The following ELMO1 variants were observed in gnomAD, a reference collection of about 807,000 sequenced individuals.
ELMO1 encodes engulfment and cell motility 1.
A neutral mutation model predicts 98.9 loss-of-function variants in ELMO1; 26 were observed. The observed-to-expected ratio is 0.26, with a 90% CI of 0.19 to 0.36. ELMO1 has a LOEUF of 0.36. ELMO1 is among the 10% of genes least tolerant of loss of function. The pLI is 1.00. For synonymous variants in ELMO1, 346 were observed against 346.0 expected, an observed-to-expected ratio of 1.00 and a Z score of 0.00; for missense variants, 627 against 935.2, an observed-to-expected ratio of 0.67 and a Z score of 4.30.
intron 13 of ELMO1, among the ~76,000 whole-genome samples, chr7:37,186,780 C>T (rs963865585): frequency 6.6e-6 from 1 of 152,172 alleles, no homozygotes. Flanking sequence ...CTCCCATTCC[C>T]TCCCATCAGC....
chr7:37,447,784 T>C (rs1805700498), intron 1 of ELMO1, among the ~76,000 whole-genome samples: 1 of 130,208 alleles, frequency 7.7e-6, no homozygotes, highest in Admixed American at 7.6e-5. Context: ...CAGCACCGAC[T>C]TCCCAACCCC....
At chr7:36,913,284 C>T (rs921614832) in intron 16 of ELMO1, among the ~76,000 whole-genome samples, 3 of 152,074 alleles carry the variant, frequency 2.0e-5, no homozygotes, top group African/African-American at 7.3e-5. Flanking sequence ...TGTTTGGGGA[C>T]CCTGTTGATC....
chr7:36,988,602 A>G (rs940174424), intron 16 of ELMO1, among the ~76,000 whole-genome samples: 1 of 152,248 alleles, frequency 6.6e-6, no homozygotes, highest in African/African-American at 2.4e-5. Context: ...ATAATCACTT[A>G]GTGAGATCAG....
intron 16 of ELMO1, among the ~76,000 whole-genome samples, chr7:36,987,718 T>C (rs550275352): frequency 5.3e-5 from 8 of 152,284 alleles, no homozygotes; most frequent in African/African-American, 1.9e-4. Context: ...TCTTCCTAAA[T>C]GAAGCTCAGT....
At chr7:37,034,909 G>C (rs1795093899) in intron 15 of ELMO1, among the ~76,000 whole-genome samples, 1 of 152,194 alleles carries the variant, frequency 6.6e-6, no homozygotes, top group South Asian at 2.1e-4. Flanking sequence ...ACAACAAGAA[G>C]ACTGGAAGCT....
chr7:37,194,216 G>A (rs1316141022), intron 13 of ELMO1, among the ~76,000 whole-genome samples: 1 of 152,186 alleles, frequency 6.6e-6, no homozygotes, highest in Non-Finnish European at 1.5e-5. Context: ...CTAGGTATTT[G>A]TATTTCCATT....
intron 1 of ELMO1, among the ~76,000 whole-genome samples, chr7:37,422,570 A>G (rs1804517498): frequency 6.6e-6 from 1 of 152,238 alleles, no homozygotes; most frequent in African/African-American, 2.4e-5. Context: ...CATGAAGCAA[A>G]TGGCTTTCAT....
At chr7:37,344,361 GTA>G (rs1800886084) in intron 1 of ELMO1, among the ~76,000 whole-genome samples, 1 of 152,012 alleles carries the variant, frequency 6.6e-6, no homozygotes, top group Non-Finnish European at 1.5e-5. Flanking sequence ...GTTTCTTTTA[GTA>G]TATTTTCTAA....
At chr7:37,210,705 G>T (rs1241766000) in intron 13 of ELMO1, among the ~76,000 whole-genome samples, 1 of 151,948 alleles carries the variant, frequency 6.6e-6, no homozygotes, top group Non-Finnish European at 1.5e-5. Context: ...CAAAATCTCA[G>T]TAATGCCATT....
intron 16 of ELMO1, among the ~76,000 whole-genome samples, chr7:36,917,802 T>C (rs1784817927): frequency 6.6e-6 from 1 of 152,232 alleles, no homozygotes; most frequent in South Asian, 2.1e-4. Flanking sequence ...GGATGTTAGC[T>C]GCAGAATTCT....
chr7:37,259,531 A>C (rs1795871983), intron 5 of ELMO1, among the ~76,000 whole-genome samples, 181 bp from the exon 6 acceptor site: 1 of 152,206 alleles, frequency 6.6e-6, no homozygotes, highest in Admixed American at 6.5e-5. Flanking sequence ...CCACCTTCAG[A>C]GCGAGGTCTG....
At chr7:37,305,014 C>G (rs1321583742) in intron 4 of ELMO1, among the ~76,000 whole-genome samples, 1 of 152,062 alleles carries the variant, frequency 6.6e-6, no homozygotes, top group Non-Finnish European at 1.5e-5. Flanking sequence ...GGCAAGGTTT[C>G]TAAGTCAGTG....
At position 37,022,360 on chromosome 7, in the gene ELMO1, T is replaced by A. The variant is rs535623738; in HGVS notation, c.1301-8925A>T. Among the ~76,000 whole-genome samples the A allele has an allele frequency of 2.6e-5, 4 of 152,298 alleles. No individual in the cohort carries two copies. The South Asian group carries it at 8.3e-4, about 32-fold the overall frequency. On this transcript the variant is annotated intron_variant, in intron 15 of 21. Transcript: ENST00000310758. ...ATAAAGAACTGGTATCTATGATATATAACCACTCCTATAAGTCACTAAGAA... is the reference window on the plus strand; with the variant it reads ...ATAAAGAACTGGTATCTATGATATAAAACCACTCCTATAAGTCACTAAGAA...
chr7:37,252,152 C>G (rs529825900), intron 6 of ELMO1, among the ~76,000 whole-genome samples: 6 of 152,324 alleles, frequency 3.9e-5, no homozygotes, highest in African/African-American at 9.6e-5. Flanking sequence ...AATGGCCATA[C>G]TGCCCAAAGT....
At chr7:37,039,583 G>T (rs945072966) in intron 15 of ELMO1, among the ~76,000 whole-genome samples, 6 of 152,184 alleles carry the variant, frequency 3.9e-5, no homozygotes, top group Non-Finnish European at 5.9e-5. Context: ...CACTATATGA[G>T]CACACAAACC....
chr7:37,084,087 T>G (rs1198408020), intron 15 of ELMO1, among the ~76,000 whole-genome samples: 2 of 152,218 alleles, frequency 1.3e-5, no homozygotes, highest in Non-Finnish European at 2.9e-5. Context: ...GATCATTTTT[T>G]TCCTCTTGGG....
At chr7:37,344,049 T>TTTTTTA (rs397942199) in intron 1 of ELMO1, among the ~76,000 whole-genome samples, 2 of 151,128 alleles carry the variant, frequency 1.3e-5, no homozygotes, top group African/African-American at 2.4e-5. Context: ...TTTTTTTTTT[T>TTTTTTA]GAGACAGAGT....
chr7:37,421,296 G>A (rs770993841), intron 1 of ELMO1, among the ~76,000 whole-genome samples: 6 of 152,104 alleles, frequency 3.9e-5, no homozygotes, highest in Admixed American at 2.6e-4. Flanking sequence ...GCTTTCCCCC[G>A]TTTTCTTATT....
intron 6 of ELMO1, among the ~76,000 whole-genome samples, chr7:37,250,574 C>T (rs1356584310): frequency 6.6e-6 from 1 of 151,904 alleles, no homozygotes; most frequent in Non-Finnish European, 1.5e-5. Flanking sequence ...GGGTGGATCA[C>T]GAGGTCAGGA....
Sources: allele counts gnomAD v4.1 joint callset (sites outside exome capture counted in the v4.1 genomes callset), GRCh38; gene constraint gnomAD v4.1.1; transcripts MANE v1.5; gene names NCBI Gene and HGNC (gene_info 2026-07-23, HGNC 2026-07-21).